PRDM16: variants seen among roughly 807,000 people sequenced by gnomAD.
The protein encoded by PRDM16 is PR/SET domain 16.
Under a neutral mutation model 110.6 loss-of-function variants are expected in PRDM16, and 23 were observed. The observed-to-expected ratio is 0.21, with a 90% CI of 0.15 to 0.29. The LOEUF (loss-of-function observed/expected upper bound fraction) is 0.29. PRDM16 is among the 10% of genes least tolerant of loss of function. The pLI is 1.00. For missense variants in PRDM16, 1,615 were observed against 1,794.3 expected (o/e 0.90, Z 1.81); for synonymous variants, 799 against 781.8 (o/e 1.02, Z -0.37).
At chr1:3,200,601 C>G (rs532592019) in intron 2 of PRDM16, among the ~76,000 whole-genome samples, 1 of 152,218 alleles carries the variant, frequency 6.6e-6, no homozygotes, top group Admixed American at 6.5e-5. Flanking sequence ...CTCGGCCTCC[C>G]GAAGTGCTGG....
At chr1:3,396,621 C>T (rs760738147) in intron 5 of PRDM16, 28 bp downstream of exon 5, 24 of 1,171,130 alleles carry the variant, frequency 2.0e-5, no homozygotes, top group East Asian at 7.4e-5. Context: ...AACCGGGCCA[C>T]GGCCCCTGGG....
intron 3 of PRDM16, among the ~76,000 whole-genome samples, chr1:3,289,739 C>T (rs1640930715): frequency 1.3e-5 from 2 of 152,218 alleles, no homozygotes; most frequent in Admixed American, 1.3e-4. Context: ...GTCCATGGAA[C>T]ATGGGACAGC....
chr1:3,410,546 G>A (rs969243146), intron 8 of PRDM16, among the ~76,000 whole-genome samples: 1 of 152,198 alleles, frequency 6.6e-6, no homozygotes, highest in Non-Finnish European at 1.5e-5. Flanking sequence ...CCAAAGTCCG[G>A]GATCCCCGAG....
chr1:3,186,052 C>T, intron 1 of PRDM16, 73 bp from the exon 2 acceptor site: 1 of 1,327,912 alleles, frequency 7.5e-7, no homozygotes, highest in South Asian at 1.2e-5. Flanking sequence ...GCCCGAGTCC[C>T]CGGCGCTCCC....
rs1025944167 is a variant in PRDM16, at chr1:3,290,079, G to T, written c.438+45942G>T. On this transcript the variant is annotated intron_variant, in intron 3 of 16. Transcript: ENST00000270722. The surrounding 1 kb of genome is among the most constrained non-coding windows in gnomAD (Gnocchi z 4.8). ...TGGCTTTAAAAGTGTGCTCGTGAGC[G>T]CAGGGTGTTTTTCCTGAATGAAAAC... 3.3e-5 allele frequency among the ~76,000 whole-genome samples: 5 copies of T among 152,180 alleles called. No individual in the cohort carries two copies. Among genetic ancestry groups the T allele is most frequent in the Non-Finnish European group, 4.4e-5 (3 of 68,030 alleles).
chr1:3,418,098 C>T (rs934992928), intron 11 of PRDM16, 101 bp downstream of exon 11: 1 of 1,002,522 alleles, frequency 1.0e-6, no homozygotes, highest in Non-Finnish European at 1.5e-6. Context: ...AGAGTCCCGG[C>T]CATAGGAAAG....
chr1:3,406,690 C>G (rs1643568190), intron 8 of PRDM16, among the ~76,000 whole-genome samples: 1 of 152,108 alleles, frequency 6.6e-6, no homozygotes, highest in African/African-American at 2.4e-5. Flanking sequence ...CTGCAGTAAG[C>G]CAAGATCACA....
intron 1 of PRDM16, among the ~76,000 whole-genome samples, chr1:3,115,586 G>T (rs933105335): frequency 7.9e-5 from 12 of 152,342 alleles, no homozygotes; most frequent in Middle Eastern, 3.4e-3. Flanking sequence ...CCCCGGCGCC[G>T]GCCTCCGCCG....
chr1:3,310,955 G>A (rs183010404), intron 3 of PRDM16, among the ~76,000 whole-genome samples: 6 of 152,046 alleles, frequency 3.9e-5, no homozygotes, highest in Admixed American at 2.6e-4. Context: ...TCTGTGAGAC[G>A]TGTGGGTGTG....
intron 3 of PRDM16, among the ~76,000 whole-genome samples, chr1:3,318,594 ATCTG>A (rs769401446): frequency 1.3e-5 from 2 of 152,196 alleles, no homozygotes; most frequent in East Asian, 1.9e-4. Context: ...TCTATCACTC[ATCTG>A]TCTATGTATC....
At chr1:3,278,269 G>A (rs914966619) in intron 3 of PRDM16, among the ~76,000 whole-genome samples, 9 of 152,176 alleles carry the variant, frequency 5.9e-5, no homozygotes, top group Admixed American at 2.6e-4. Flanking sequence ...TCCTCCCCAT[G>A]GGCCATCTCC....
chr1:3,300,459 G>A (rs1247726564), intron 3 of PRDM16, among the ~76,000 whole-genome samples: 7 of 149,968 alleles, frequency 4.7e-5, no homozygotes, highest in Non-Finnish European at 7.4e-5. Flanking sequence ...TGCTGTGGCC[G>A]TGATGTTTCC....
rs1204431979 is a variant in PRDM16 at position 3,209,590 on chromosome 1, C to T, written c.387+23116C>T. Among the ~76,000 whole-genome samples, 1 of 151,282 alleles carries T rather than the reference C, an allele frequency of 6.6e-6. No individual in the cohort carries two copies. The highest frequency in any genetic ancestry group is 1.5e-5 in the Non-Finnish European group (1 of 67,892). ...CCTGTGGGTGCGCGTGGAAGCTGAG[C>T]GCCTCAGTGGAATGTCCTGGAACCT... is the stretch of plus-strand genomic sequence containing the variant. On this transcript the variant is annotated intron_variant, in intron 2 of 16. Transcript: ENST00000270722. The surrounding 1 kb of genome is among the most constrained non-coding windows in gnomAD (Gnocchi z 4.6).
At chr1:3,141,822 A>G (rs1557478878) in intron 1 of PRDM16, among the ~76,000 whole-genome samples, 1 of 152,240 alleles carries the variant, frequency 6.6e-6, no homozygotes, top group Non-Finnish European at 1.5e-5. Context: ...TCACTGTCTC[A>G]GTTGGGGTGG....
chr1:3,402,436 T>C (rs1435827276), intron 5 of PRDM16, among the ~76,000 whole-genome samples: 1 of 152,250 alleles, frequency 6.6e-6, no homozygotes, highest in Non-Finnish European at 1.5e-5. Flanking sequence ...TCCTGATTCA[T>C]AAACAAAGCA....
Position 3,204,853 on chromosome 1 carries a change from A to C in PRDM16, c.387+18379A>C, listed in dbSNP as rs11802138. On this transcript the variant is annotated intron_variant, in intron 2 of 16. Coordinates refer to ENST00000270722, the MANE Select transcript of PRDM16 (RefSeq NM_022114.4). ...GGGCAGGCAGGAAAGGAGTGGAGGG[A>C]TAGGAGCCCAGCGGTTGGCTAATTG... 6.3e-3 allele frequency among the ~76,000 whole-genome samples: 961 copies of C among 152,280 alleles called. 12 individuals carry two copies. Among genetic ancestry groups the C allele is most frequent in the African/African-American group, 0.021 (864 of 41,558 alleles).
chr1:3,426,843 C>G (rs982403901), intron 14 of PRDM16, among the ~76,000 whole-genome samples: 2 of 152,182 alleles, frequency 1.3e-5, no homozygotes, highest in Admixed American at 6.5e-5. Flanking sequence ...TGCCTGGGGA[C>G]AGGGCTGTGG....
At chr1:3,216,485 A>G (rs905729955) in intron 2 of PRDM16, among the ~76,000 whole-genome samples, 3 of 152,188 alleles carry the variant, frequency 2.0e-5, no homozygotes, top group Non-Finnish European at 2.9e-5. Context: ...ACACCCAGAC[A>G]CATCCCCACC....
In PRDM16 at chr1:3,405,595, C is replaced by A; in HGVS notation, c.1133C>A (p.Ser378Tyr). 6.2e-7 allele frequency: 1 copy of A among 1,611,542 alleles called. No homozygotes were observed. The highest frequency in any genetic ancestry group is 8.5e-7 in the Non-Finnish European group (1 of 1,179,198). ...GACTGCGGGAAGACCTTCGCCACGTCCTCCGGCCTCAAGCAGCACAAGCAT... is the reference window on the plus strand; with the variant it reads ...GACTGCGGGAAGACCTTCGCCACGTACTCCGGCCTCAAGCAGCACAAGCAT... ...CPDCGKTFATSSGLKQHKHIH... is the reference protein window; with the variant it reads ...CPDCGKTFATYSGLKQHKHIH... The change falls in exon 8 of 17, where the codon TCC becomes TAC. Residue 378 changes from serine to tyrosine, a missense_variant. Physicochemically the swap from Ser to Tyr is moderately radical, Grantham distance 144. This residue lies in a region of PRDM16 where 82 missense variants were observed against 144.4 expected (regional missense o/e 0.57). Transcript: ENST00000270722.
Sources: allele counts gnomAD v4.1 joint callset (sites outside exome capture counted in the v4.1 genomes callset), GRCh38; gene constraint gnomAD v4.1.1; regional missense constraint gnomAD v4.1.1; non-coding constraint Gnocchi (gnomAD v3.1); transcripts MANE v1.5; gene names NCBI Gene and HGNC (gene_info 2026-07-23, HGNC 2026-07-21).